The following MGAT5 variants were observed in gnomAD, a reference collection of about 807,000 sequenced individuals.
MGAT5 encodes the protein alpha-1,6-mannosylglycoprotein 6-beta-N-acetylglucosaminyltransferase, also known as alpha-1,6-mannosylglycoprotein 6-beta-N-acetylglucosaminyltransferase A.
In MGAT5, 30 loss-of-function variants were observed where a neutral mutation model predicts 94.3. The ratio of observed to expected loss-of-function variants is 0.32; its 90% CI spans 0.24 to 0.43. The LOEUF is 0.43. Ranked by LOEUF, MGAT5 falls within the 20% of genes least tolerant of loss-of-function variation. The pLI, the probability that MGAT5 is intolerant of heterozygous loss-of-function variation, is 1.00. For missense variants in MGAT5, 691 were observed against 905.5 expected (o/e 0.76, Z 3.04); for synonymous variants, 310 against 322.9 (o/e 0.96, Z 0.43).
At chr2:134,261,112 T>A (rs1347846443) in intron 1 of MGAT5, among the ~76,000 whole-genome samples, 1 of 152,116 alleles carries the variant, frequency 6.6e-6, no homozygotes, top group Non-Finnish European at 1.5e-5. Flanking sequence ...AATAAGGGGC[T>A]CATTCTTCTA....
At chr2:134,258,827 C>G (rs1683141842) in intron 1 of MGAT5, among the ~76,000 whole-genome samples, 1 of 152,208 alleles carries the variant, frequency 6.6e-6, no homozygotes, top group Admixed American at 6.5e-5. Context: ...ATGGCTTAGG[C>G]CCTAGAAGCA....
At chr2:134,342,668 C>T (rs1205083467) in intron 7 of MGAT5, among the ~76,000 whole-genome samples, 5 of 148,174 alleles carry the variant, frequency 3.4e-5, no homozygotes, top group African/African-American at 7.5e-5. Context: ...TGCAGTGAGC[C>T]GAGATCATGC....
chr2:134,399,589 G>A lies in MGAT5; in HGVS notation c.1381-3399G>A, dbSNP rs184120412. Among the ~76,000 whole-genome samples, 10 of 152,350 alleles carry A rather than the reference G, an allele frequency of 6.6e-5. No individual in the cohort carries two copies. The East Asian group carries it at 1.7e-3, about 26-fold the overall frequency. On this transcript the variant is annotated intron_variant, in intron 10 of 15. Transcript: ENST00000281923. ...GGTTGCTCAGCTGGAACCTTTGGGC[G>A]ACAGAGGTGGTTGCATGCTGTGATA... is the stretch of plus-strand genomic sequence containing the variant.
intron 14 of MGAT5, among the ~76,000 whole-genome samples, chr2:134,431,513 T>G (rs1684873760): frequency 6.6e-6 from 1 of 152,080 alleles, no homozygotes; most frequent in African/African-American, 2.4e-5. Flanking sequence ...CCCCAGTGTT[T>G]TAGAGGTTGG....
rs773069653 is a variant in MGAT5 at position 134,254,375 on chromosome 2, C to G, written c.-29C>G. ...GTGTCTATCTTCTACGCGTTAAGAGCCAAGGACAGGTGAAGTTGCCAGAGA... is the reference window on the plus strand; with the variant it reads ...GTGTCTATCTTCTACGCGTTAAGAGGCAAGGACAGGTGAAGTTGCCAGAGA... On this transcript the variant is annotated 5_prime_UTR_variant, in exon 1 of 16. Coordinates refer to ENST00000281923, the MANE Select transcript of MGAT5 (RefSeq NM_002410.5). The G allele has an allele frequency of 3.7e-6, 6 of 1,613,108 alleles. No individual in the cohort carries two copies. The highest frequency in any genetic ancestry group is 5.1e-6 in the Non-Finnish European group (6 of 1,179,572).
chr2:134,381,581 C>G (rs970774627), intron 10 of MGAT5, among the ~76,000 whole-genome samples: 1 of 129,506 alleles, frequency 7.7e-6, no homozygotes, highest in Non-Finnish European at 1.8e-5. Context: ...GGCAACATAG[C>G]AAGACCTGTC....
Position 134,155,960 on chromosome 2 carries a change from C to T in MGAT5, c.-143+35669C>T, listed in dbSNP as rs79637786. 0.023 allele frequency among the ~76,000 whole-genome samples: 3,541 copies of T among 152,246 alleles called. 317 individuals are homozygous for T. In the East Asian group the frequency reaches 0.28, roughly 12 times the overall value. ...CCCCATTATTCTCTGCTGCTCTCCC[C>T]GCCGTTCTTTTCTTCATAGTAGTTG... is the stretch of plus-strand genomic sequence containing the variant. On this transcript the variant is annotated intron_variant, in intron 1 of 16. Transcript: ENST00000409645.
At chr2:134,394,823 TA>T (rs1273381706) in intron 10 of MGAT5, among the ~76,000 whole-genome samples, 7 of 152,212 alleles carry the variant, frequency 4.6e-5, no homozygotes, top group African/African-American at 1.4e-4. Flanking sequence ...CCCTTGCCTT[TA>T]AACAGTATCT....
chr2:134,208,183 G>A (rs1466006988), intron 1 of MGAT5, among the ~76,000 whole-genome samples: 5 of 151,680 alleles, frequency 3.3e-5, no homozygotes, highest in African/African-American at 1.2e-4. Context: ...CCAAACTTTG[G>A]ACTTAGTTTC....
intron 2 of MGAT5, among the ~76,000 whole-genome samples, chr2:134,309,011 A>T (rs1484422030): frequency 6.6e-6 from 1 of 152,202 alleles, no homozygotes. Flanking sequence ...AACCCTAAAC[A>T]ACCACGAATT....
chr2:134,322,512 T>G (rs1328980131), intron 4 of MGAT5, among the ~76,000 whole-genome samples: 9 of 152,192 alleles, frequency 5.9e-5, no homozygotes. Context: ...GTATTTTCCC[T>G]TGATTGGTCA....
intron 1 of MGAT5, among the ~76,000 whole-genome samples, chr2:134,153,393 C>T (rs970018296): frequency 2.0e-5 from 3 of 152,064 alleles, no homozygotes; most frequent in Admixed American, 6.5e-5. Flanking sequence ...AAAATTCCTC[C>T]TGGACCTTCT....
chr2:134,213,679 A>C (rs74446258), intron 1 of MGAT5, among the ~76,000 whole-genome samples: 6 of 152,356 alleles, frequency 3.9e-5, no homozygotes, highest in Non-Finnish European at 7.3e-5. Flanking sequence ...AATGGCTCAC[A>C]AAACTCAGAA....
At chr2:134,150,595 C>A (rs530963414) in intron 1 of MGAT5, among the ~76,000 whole-genome samples, 4 of 152,326 alleles carry the variant, frequency 2.6e-5, no homozygotes, top group South Asian at 4.1e-4. Context: ...AGCCACTCTG[C>A]AGGTTGGGCC....
chr2:134,336,268 G>A lies in MGAT5; in HGVS notation c.625G>A (p.Glu209Lys), dbSNP rs1386691871. Residue 209 changes from glutamate (E) to lysine (K), a missense_variant, in exon 5 of 16, where the codon GAA (glutamate) becomes AAA (lysine). By Grantham distance (56) the Glu-to-Lys change is moderately conservative (BLOSUM62 1). Around this residue, in one of 4 missense-constraint regions of MGAT5, gnomAD observed 307 missense variants for 335.4 expected, o/e 0.92. Transcript: ENST00000281923. ...LPWRAKNPYE[E>K]ADHNSLAEIR... ...TTGGAGAGCAAAAAATCCCTACGAA[G>A]AAGCTGATCATAATTCATTGGTAAG... 15 of 1,612,618 alleles carry A rather than the reference G, an allele frequency of 9.3e-6. No homozygotes were observed. The highest frequency in any genetic ancestry group is 1.7e-5 in the Admixed American group (1 of 59,878).
At chr2:134,269,366 A>G (rs1683891582) in intron 1 of MGAT5, among the ~76,000 whole-genome samples, 1 of 152,174 alleles carries the variant, frequency 6.6e-6, no homozygotes, top group Admixed American at 6.5e-5. Flanking sequence ...AGGAGAATGG[A>G]AGATGGCACC....
chr2:134,352,350 G>C (rs1679438269), intron 9 of MGAT5, among the ~76,000 whole-genome samples: 1 of 152,148 alleles, frequency 6.6e-6, no homozygotes, highest in Non-Finnish European at 1.5e-5. Context: ...CATTAATAGA[G>C]TGAAGTACTA....
intron 10 of MGAT5, among the ~76,000 whole-genome samples, chr2:134,401,562 T>TA (rs1683054626): frequency 6.6e-6 from 1 of 152,194 alleles, no homozygotes; most frequent in Non-Finnish European, 1.5e-5. Context: ...AGTTACCAGA[T>TA]ACATCTAGCA....
intron 4 of MGAT5, among the ~76,000 whole-genome samples, chr2:134,322,967 T>C (rs1424756167): frequency 6.6e-6 from 1 of 152,170 alleles, no homozygotes; most frequent in African/African-American, 2.4e-5. Flanking sequence ...CAAAAGGACA[T>C]GAAGTAAAAT....
Sources: allele counts gnomAD v4.1 joint callset (sites outside exome capture counted in the v4.1 genomes callset), GRCh38; gene constraint gnomAD v4.1.1; regional missense constraint gnomAD v4.1.1; transcripts MANE v1.5; gene names NCBI Gene and HGNC (gene_info 2026-07-23, HGNC 2026-07-21).